The following PRAG1 variants were observed in gnomAD, a reference collection of about 807,000 sequenced individuals.
PRAG1 encodes the protein PEAK1 related, kinase-activating pseudokinase 1.
A neutral mutation model predicts 95.6 loss-of-function variants in PRAG1; 110 were observed. The ratio of observed to expected loss-of-function variants is 1.15; its 90% CI spans 0.99 to 1.35. The LOEUF (loss-of-function observed/expected upper bound fraction) is 1.35. Among genes scored for constraint, PRAG1 ranks in the 40% most tolerant of loss-of-function variants. PRAG1 has a pLI of 0.00. For synonymous variants in PRAG1, 1,052 were observed against 819.4 expected, an observed-to-expected ratio of 1.28 and a Z score of -4.85; for missense variants, 2,554 against 1,864.7, an observed-to-expected ratio of 1.37 and a Z score of -6.81.
rs545216260 is a variant in PRAG1, at chr8:8,356,305, T to C, written c.2163-16670A>G. 1.5e-4 allele frequency among the ~76,000 whole-genome samples: 23 copies of C among 152,288 alleles called. 1 individual carries two copies. The South Asian group carries it at 4.6e-3, about 30-fold the overall frequency. ...GGGTGTGAAGAAAAGAGAACACTAG[T>C]GCATTTTTGGTGGAAATGTAAATCA... On this transcript the variant is annotated intron_variant, in intron 3 of 5. Coordinates refer to ENST00000615670, the MANE Select transcript of PRAG1 (RefSeq NM_001080826.3).
chr8:8,335,202 C>A (rs758106551), intron 4 of PRAG1, among the ~76,000 whole-genome samples: 4 of 152,184 alleles, frequency 2.6e-5, no homozygotes, highest in South Asian at 2.1e-4. Flanking sequence ...ATTTATCTTA[C>A]AGATTTGCTC....
intron 3 of PRAG1, among the ~76,000 whole-genome samples, chr8:8,370,497 T>A (rs1270170505): frequency 6.6e-6 from 1 of 152,190 alleles, no homozygotes; most frequent in Admixed American, 6.5e-5. Context: ...TAATACAAAC[T>A]GTGATTTTCA....
intron 4 of PRAG1, among the ~76,000 whole-genome samples, chr8:8,331,985 C>T (rs796870823): frequency 1.3e-5 from 2 of 152,124 alleles, no homozygotes; most frequent in Admixed American, 6.5e-5. Context: ...ACTCAGTACT[C>T]GCCGCATTAT....
intron 3 of PRAG1, among the ~76,000 whole-genome samples, chr8:8,363,529 C>T (rs1400179281): frequency 1.3e-5 from 2 of 152,008 alleles, no homozygotes; most frequent in Non-Finnish European, 2.9e-5. Context: ...AATTCAGAGA[C>T]AGAAAGTAAT....
At chr8:8,369,480 C>A (rs1340960298) in intron 3 of PRAG1, among the ~76,000 whole-genome samples, 1 of 152,164 alleles carries the variant, frequency 6.6e-6, no homozygotes, top group Non-Finnish European at 1.5e-5. Context: ...TTTTCTTCAA[C>A]ATTTCTTGAG....
chr8:8,366,247 T>C (rs565324149), intron 3 of PRAG1, among the ~76,000 whole-genome samples: 2 of 151,794 alleles, frequency 1.3e-5, no homozygotes, highest in Non-Finnish European at 2.9e-5. Context: ...TCAAAGAGAA[T>C]GGCCGTCATC....
intron 3 of PRAG1, among the ~76,000 whole-genome samples, chr8:8,373,161 C>T (rs2979132): frequency 0.2 from 29,687 of 152,072 alleles, 3,450 homozygotes; most frequent in Middle Eastern, 0.33. Context: ...GGATCAACTG[C>T]TGGCTGCATT....
At chr8:8,324,988 C>G (rs1461626767) in intron 5 of PRAG1, among the ~76,000 whole-genome samples, 1 of 152,156 alleles carries the variant, frequency 6.6e-6, no homozygotes, top group African/African-American at 2.4e-5. Context: ...CAGGTGTGAG[C>G]CTGCTATTGT....
At chr8:8,360,584 G>A (rs1024869438) in intron 3 of PRAG1, among the ~76,000 whole-genome samples, 1 of 152,126 alleles carries the variant, frequency 6.6e-6, no homozygotes, top group East Asian at 1.9e-4. Context: ...CTCCTCTATT[G>A]ACTTATTCTT....
At chr8:8,348,068 C>T (rs1326341429) in intron 3 of PRAG1, among the ~76,000 whole-genome samples, 3 of 152,222 alleles carry the variant, frequency 2.0e-5, no homozygotes, top group African/African-American at 7.2e-5. Flanking sequence ...AGGTGCATGC[C>T]ACCACACCCG....
intron 1 of PRAG1, among the ~76,000 whole-genome samples, chr8:8,382,691 G>T (rs959297830): frequency 2.6e-5 from 4 of 152,234 alleles, no homozygotes; most frequent in Non-Finnish European, 5.9e-5. Flanking sequence ...AAAACTGCAA[G>T]TAACAGTTTG....
At chr8:8,358,147 T>C (rs769638911) in intron 3 of PRAG1, among the ~76,000 whole-genome samples, 1 of 152,230 alleles carries the variant, frequency 6.6e-6, no homozygotes, top group Non-Finnish European at 1.5e-5. Context: ...ATCTCCTCCT[T>C]GGGTTCAATT....
At chr8:8,361,792 C>T (rs544543111) in intron 3 of PRAG1, among the ~76,000 whole-genome samples, 74 of 152,328 alleles carry the variant, frequency 4.9e-4, no homozygotes, top group Non-Finnish European at 9.0e-4. Flanking sequence ...GGAGGATTGG[C>T]TCTTTAGTTC....
chr8:8,381,785 C>A lies in PRAG1; in HGVS notation c.-38G>T, dbSNP rs370041330. ...GGGTGCTGGTTCATCTTGCGCCCGGCTCTCTGGTGCAGTTTTGTGGGATTC... is the reference window on the plus strand; with the variant it reads ...GGGTGCTGGTTCATCTTGCGCCCGGATCTCTGGTGCAGTTTTGTGGGATTC... On this transcript the variant is annotated 5_prime_UTR_variant, in exon 2 of 6. Coordinates refer to ENST00000615670, the MANE Select transcript of PRAG1 (RefSeq NM_001080826.3). 7.5e-4 allele frequency: 1,127 copies of A among 1,499,326 alleles called. 3 individuals are homozygous for A. Among genetic ancestry groups the A allele is most frequent in the Admixed American group, 1.6e-3 (75 of 46,952 alleles). 92.9% of individuals were successfully genotyped at this position (1,499,326 alleles called of 1,614,324 possible).
In PRAG1 at chr8:8,327,694, A is replaced by AG; in HGVS notation, c.3072+15dup. ...GCCAGTGGCACAGCAGAATGCAAGGAGGGAGTGGTACCTACTTTCACAGCA... is the reference window on the plus strand; with the variant it reads ...GCCAGTGGCACAGCAGAATGCAAGGAGGGGAGTGGTACCTACTTTCACAGCA... On this transcript the variant is annotated intron_variant, in intron 5 of 5. Coordinates refer to ENST00000615670, the MANE Select transcript of PRAG1 (RefSeq NM_001080826.3). 1 of 1,596,536 alleles carries AG rather than the reference A, an allele frequency of 6.3e-7. No individual in the cohort carries two copies. Among genetic ancestry groups the AG allele is most frequent in the Non-Finnish European group, 8.6e-7 (1 of 1,169,074 alleles).
chr8:8,327,061 C>A (rs961946128), intron 5 of PRAG1, among the ~76,000 whole-genome samples: 1 of 152,288 alleles, frequency 6.6e-6, no homozygotes, highest in Middle Eastern at 3.4e-3. Flanking sequence ...TATATTCACA[C>A]CTACATACTC....
At chr8:8,370,957 G>A (rs572518084) in intron 3 of PRAG1, among the ~76,000 whole-genome samples, 15 of 151,970 alleles carry the variant, frequency 9.9e-5, no homozygotes, top group South Asian at 4.1e-4. Flanking sequence ...TGAGCAACAC[G>A]GTGAAACCCC....
At chr8:8,371,685 C>T (rs1800211573) in intron 3 of PRAG1, among the ~76,000 whole-genome samples, 1 of 152,078 alleles carries the variant, frequency 6.6e-6, no homozygotes, top group Non-Finnish European at 1.5e-5. Context: ...GCCTGGGAAA[C>T]ATGGTGAAAC....
rs193136794 is a variant in PRAG1, at chr8:8,354,909, T to C, written c.2163-15274A>G. 2.1e-3 allele frequency among the ~76,000 whole-genome samples: 316 copies of C among 152,168 alleles called. 1 individual carries two copies. The highest frequency in any genetic ancestry group is 7.1e-3 in the African/African-American group (293 of 41,548). ...TGCCACTTCATATTCATCATTGTAC[T>C]GGAGGTACTAGCAAGGGCAATCAGA... is the stretch of plus-strand genomic sequence containing the variant. On this transcript the variant is annotated intron_variant, in intron 3 of 5. Coordinates refer to ENST00000615670, the MANE Select transcript of PRAG1 (RefSeq NM_001080826.3).
Sources: gnomAD v4.1 joint callset for allele counts (sites outside exome capture counted in the v4.1 genomes callset) on GRCh38, gnomAD v4.1.1 for gene constraint, MANE v1.5 for transcripts, NCBI Gene and HGNC (gene_info 2026-07-23, HGNC 2026-07-21) for gene names.